Variants in TEX14 observed in about 807,000 individuals in gnomAD.
TEX14 encodes the protein testis expressed 14, intercellular bridge forming factor.
A neutral mutation model predicts 178.6 loss-of-function variants in TEX14; 168 were observed. That is an observed-to-expected ratio of 0.94 (90% CI 0.83 to 1.07). TEX14 has a LOEUF of 1.07. TEX14 is among the 50% of genes least tolerant of loss of function. TEX14 has a pLI of 0.00. For synonymous variants in TEX14, 626 were observed against 634.1 expected (o/e 0.99, Z 0.19); for missense variants, 1,730 against 1,753.6 (o/e 0.99, Z 0.24).
intron 2 of TEX14, among the ~76,000 whole-genome samples, chr17:58,645,378 A>T (rs2046680830): frequency 6.7e-6 from 1 of 149,732 alleles, no homozygotes; most frequent in Non-Finnish European, 1.5e-5. Context: ...TTTTTTTTTG[A>T]GACGGAGTCT....
At chr17:58,664,394 C>A (rs2047172137) in intron 1 of TEX14, among the ~76,000 whole-genome samples, 1 of 152,144 alleles carries the variant, frequency 6.6e-6, no homozygotes, top group Non-Finnish European at 1.5e-5. Flanking sequence ...ATTGTCTACT[C>A]CAGTATTTTT....
At position 58,569,326 on chromosome 17, in the gene TEX14, C is replaced by A; in HGVS notation, c.3818-66G>T. 7.8e-7 allele frequency: 1 copy of A among 1,283,774 alleles called. No homozygotes were observed. Among genetic ancestry groups the A allele is most frequent in the Non-Finnish European group, 1.1e-6 (1 of 887,944 alleles). The allele number at this position is 1,283,774 out of a possible 1,614,324, so 79.5% of individuals were successfully genotyped here. A position where few individuals can be genotyped will look rare whatever the true frequency, so the allele number is the denominator to read the frequency against. On this transcript the variant is annotated intron_variant, in intron 25 of 31. Transcript: ENST00000349033. This position sits in a 1 kb window ranked among gnomAD's most constrained non-coding sequence, Gnocchi z 4.1. ...CCTCCTGGACCTGAACTGAATTTTT[C>A]TCGGCTCTCACATAGACTTGACTGA...
At chr17:58,563,648 T>TAGAG in intron 28 of TEX14, among the ~76,000 whole-genome samples, 1 of 27,800 alleles carries the variant, frequency 3.6e-5, no homozygotes, top group Non-Finnish European at 5.9e-5. Context: ...TATATATATA[T>TAGAG]ATATATATAT....
At chr17:58,689,092 G>A (rs147548050) in intron 1 of TEX14, among the ~76,000 whole-genome samples, 1,715 of 151,204 alleles carry the variant, frequency 0.011, 31 homozygotes, top group African/African-American at 0.039. Flanking sequence ...CACCACACCC[G>A]GCTAATTTTT....
rs570852904 is a variant in TEX14, at chr17:58,569,378, T to G, written c.3818-118A>C. On this transcript the variant is annotated intron_variant, in intron 25 of 31. Coordinates refer to ENST00000349033, the MANE Select transcript of TEX14 (RefSeq NM_031272.5). The surrounding 1 kb of genome is among the most constrained non-coding windows in gnomAD (Gnocchi z 4.1). ...GATTTCTCTCAATGATGAAACAAAC[T>G]AAGGAGGAAGGAAGCCTCTTACATA... 4 of 745,078 alleles carry G rather than the reference T, an allele frequency of 5.4e-6. No homozygotes were observed. Among genetic ancestry groups the G allele is most frequent in the East Asian group, 5.3e-5 (2 of 37,532 alleles). The allele number at this position is 745,078 out of a possible 1,614,324, so 46.2% of individuals were successfully genotyped here.
intron 22 of TEX14, 56 bp from the exon 23 acceptor site, chr17:58,573,364 A>G (rs1395900735): frequency 2.6e-6 from 4 of 1,561,288 alleles, no homozygotes; most frequent in East Asian, 2.3e-5. Flanking sequence ...AAATCAAACA[A>G]TATATTCCTG....
intron 1 of TEX14, among the ~76,000 whole-genome samples, chr17:58,652,203 T>C (rs1387353520): frequency 6.6e-6 from 1 of 152,172 alleles, no homozygotes; most frequent in Non-Finnish European, 1.5e-5. Flanking sequence ...TACTGTTGAA[T>C]ATAGAATGGT....
At chr17:58,668,414 A>C (rs1429065054) in intron 1 of TEX14, among the ~76,000 whole-genome samples, 1 of 152,170 alleles carries the variant, frequency 6.6e-6, no homozygotes, top group East Asian at 1.9e-4. Flanking sequence ...AGTAACTATA[A>C]ACCCCTGCAA....
chr17:58,632,513 G>A (rs1011288638), intron 2 of TEX14, among the ~76,000 whole-genome samples: 1 of 152,172 alleles, frequency 6.6e-6, no homozygotes, highest in African/African-American at 2.4e-5. Context: ...TAAACAAGCA[G>A]GACAACATAT....
chr17:58,592,966 G>C (rs1475674753), intron 15 of TEX14, among the ~76,000 whole-genome samples: 6 of 151,966 alleles, frequency 3.9e-5, no homozygotes, highest in Non-Finnish European at 2.9e-5. Context: ...ATACCTATGT[G>C]TGCATGAATA....
chr17:58,584,610 G>C lies in TEX14; in HGVS notation c.3071-10C>G. 6.2e-7 allele frequency: 1 copy of C among 1,600,580 alleles called. No individual in the cohort carries two copies. Among genetic ancestry groups the C allele is most frequent in the Non-Finnish European group, 8.6e-7 (1 of 1,167,676 alleles). ...GATGGGTGCCTGATACCTAATGATTGTAACACAGTCAGGGTCAAAGTCATT... is the reference window on the plus strand; with the variant it reads ...GATGGGTGCCTGATACCTAATGATTCTAACACAGTCAGGGTCAAAGTCATT... On this transcript the variant is annotated splice_polypyrimidine_tract_variant and intron_variant, in intron 18 of 31. Transcript: ENST00000349033.
chr17:58,589,989 G>A (rs765470484), intron 15 of TEX14, among the ~76,000 whole-genome samples: 16 of 152,040 alleles, frequency 1.1e-4, no homozygotes, highest in South Asian at 6.2e-4. Context: ...TTGGCCAGGC[G>A]TGGTGGCTCA....
At chr17:58,574,675 CAAAAAAAAAAAA>C (rs1177255314) in intron 21 of TEX14, among the ~76,000 whole-genome samples, 2 of 43,886 alleles carry the variant, frequency 4.6e-5, no homozygotes, top group East Asian at 7.7e-4. Flanking sequence ...ACTCCATCTC[CAAAAAAAAAAAA>C]AAAAAAAAAA....
chr17:58,593,528 A>C, intron 15 of TEX14, 27 bp downstream of exon 15: 1 of 1,560,290 alleles, frequency 6.4e-7, no homozygotes, highest in East Asian at 2.2e-5. Flanking sequence ...GCATAGTGAC[A>C]TTAAGAACAA....
chr17:58,679,281 G>C (rs1001720659), intron 1 of TEX14, among the ~76,000 whole-genome samples: 17 of 152,256 alleles, frequency 1.1e-4, no homozygotes, highest in Non-Finnish European at 2.1e-4. Context: ...AAAATGTGAA[G>C]GTAACACTCC....
At chr17:58,560,995 A>C (rs963702383) in intron 29 of TEX14, among the ~76,000 whole-genome samples, 12 of 152,224 alleles carry the variant, frequency 7.9e-5, no homozygotes, top group Non-Finnish European at 1.5e-4. Flanking sequence ...CTGGGCATAC[A>C]AAAATAAGAC....
intron 1 of TEX14, among the ~76,000 whole-genome samples, chr17:58,654,555 G>A (rs1284655594): frequency 6.9e-6 from 1 of 144,476 alleles, no homozygotes; most frequent in Non-Finnish European, 1.5e-5. Context: ...TGCCCAGGCT[G>A]CAGTGTAGTG....
At chr17:58,564,039 T>C (rs2044346762) in intron 28 of TEX14, 2 of 151,850 alleles carry the variant, frequency 1.3e-5, no homozygotes, top group East Asian at 1.9e-4. Context: ...AAATAACAAG[T>C]GTTGGCAAGG....
intron 3 of TEX14, among the ~76,000 whole-genome samples, chr17:58,624,439 C>G (rs2046087700): frequency 6.7e-6 from 1 of 149,392 alleles, no homozygotes; most frequent in African/African-American, 2.5e-5. Flanking sequence ...CTCCTAGGCT[C>G]AAGTGGTTCT....
Sources: allele counts gnomAD v4.1 joint callset (sites outside exome capture counted in the v4.1 genomes callset), GRCh38; gene constraint gnomAD v4.1.1; non-coding constraint Gnocchi (gnomAD v3.1); transcripts MANE v1.5; gene names NCBI Gene and HGNC (gene_info 2026-07-23, HGNC 2026-07-21).